The following NTRK3 variants were observed in gnomAD, a reference collection of about 807,000 sequenced individuals.
NTRK3 encodes the protein NT-3 growth factor receptor.
Under a neutral mutation model 91.7 loss-of-function variants are expected in NTRK3, and 24 were observed. The ratio of observed to expected loss-of-function variants is 0.26; its 90% CI spans 0.19 to 0.37. The LOEUF is 0.37. Ranked by LOEUF, NTRK3 falls within the 10% of genes least tolerant of loss-of-function variation. The probability of loss-of-function intolerance (pLI) is 1.00; values close to 1 mark genes in which losing one functional copy is unlikely to be tolerated. For synonymous variants in NTRK3, 483 were observed against 404.0 expected, an observed-to-expected ratio of 1.20 and a Z score of -2.34; for missense variants, 880 against 1,068.9, an observed-to-expected ratio of 0.82 and a Z score of 2.46.
intron 14 of NTRK3, among the ~76,000 whole-genome samples, chr15:87,950,722 T>G (rs538122435): frequency 8.1e-4 from 124 of 152,334 alleles, no homozygotes; most frequent in African/African-American, 2.8e-3. Flanking sequence ...AGTCGTACAT[T>G]TGGAGCGTGT....
At chr15:87,951,211 C>T (rs533462509) in intron 14 of NTRK3, among the ~76,000 whole-genome samples, 1 of 152,150 alleles carries the variant, frequency 6.6e-6, no homozygotes, top group South Asian at 2.1e-4. Context: ...CTGTGTTATC[C>T]GTAAGATCAT....
At chr15:87,876,308 G>A (rs1476733644) in exon 19 of NTRK3, 1 of 230,930 alleles carries the variant, frequency 4.3e-6, no homozygotes, top group Non-Finnish European at 8.6e-6. Context: ...GGACAAATTA[G>A]AACATTGTCC....
At chr15:88,018,078 G>A (rs1262360199) in intron 14 of NTRK3, among the ~76,000 whole-genome samples, 3 of 152,086 alleles carry the variant, frequency 2.0e-5, no homozygotes, top group Non-Finnish European at 2.9e-5. Context: ...AAGGAGACTC[G>A]GCCAAAAATA....
At chr15:87,945,036 C>T (rs1032579927) in intron 14 of NTRK3, among the ~76,000 whole-genome samples, 6 of 152,206 alleles carry the variant, frequency 3.9e-5, no homozygotes, top group Non-Finnish European at 8.8e-5. Context: ...CTGGCTGGCC[C>T]AGCAGAGTCT....
At chr15:88,150,349 A>C (rs543944077) in intron 5 of NTRK3, among the ~76,000 whole-genome samples, 31 of 152,362 alleles carry the variant, frequency 2.0e-4, no homozygotes, top group African/African-American at 7.2e-4. Context: ...AGAAATGTCA[A>C]AAGAAAATTG....
rs62019301 is a variant in NTRK3, at chr15:88,206,429, C to T, written c.249-22130G>A. 3.3e-5 allele frequency among the ~76,000 whole-genome samples: 5 copies of T among 149,656 alleles called. No individual in the cohort carries two copies. In the East Asian group the frequency reaches 6.1e-4, roughly 18 times the overall value. On this transcript the variant is annotated intron_variant, in intron 3 of 18. Transcript: ENST00000394480. ...ATCCCAGCACTTTGGAAGGCCGAGG[C>T]GGGCGGATCACGAGGTCAGGAGATG... is the stretch of plus-strand genomic sequence containing the variant.
chr15:88,057,652 G>A (rs376725414), intron 13 of NTRK3, among the ~76,000 whole-genome samples: 84 of 152,292 alleles, frequency 5.5e-4, no homozygotes, highest in African/African-American at 1.8e-3. Flanking sequence ...AACCTCAGGG[G>A]AGCATCAGGG....
At chr15:88,162,930 G>C (rs1209425714) in intron 5 of NTRK3, among the ~76,000 whole-genome samples, 1 of 152,124 alleles carries the variant, frequency 6.6e-6, no homozygotes, top group Non-Finnish European at 1.5e-5. Context: ...GTCCAGCACT[G>C]TGGCCACTCT....
rs77573267 is a variant in NTRK3, at chr15:88,241,623, T to C, written c.248+14283A>G. Among the ~76,000 whole-genome samples, 2 of 152,150 alleles carry C rather than the reference T, an allele frequency of 1.3e-5. No individual in the cohort carries two copies. The highest frequency in any genetic ancestry group is 2.4e-5 in the African/African-American group (1 of 41,432). ...CAGGTCAGCCGCTGGTTGGGCAGAA[T>C]GCCAGCTGGGTGCTGGGAGCAGGAA... On this transcript the variant is annotated intron_variant, in intron 3 of 18. Coordinates refer to ENST00000394480, the Ensembl canonical transcript of NTRK3. This position sits in a 1 kb window ranked among gnomAD's most constrained non-coding sequence, Gnocchi z 4.3.
rs16941182 is a variant in NTRK3 at position 88,049,651 on chromosome 15, C to A, written c.1397-16606G>T. ...ATATTATCTGAAACTGCTGAGTTCC[C>A]AAACACACTCAGAACATTGGCCTAA... On this transcript the variant is annotated intron_variant, in intron 13 of 18. Coordinates refer to ENST00000394480, the Ensembl canonical transcript of NTRK3. 9.0e-3 allele frequency among the ~76,000 whole-genome samples: 1,378 copies of A among 152,304 alleles called. 24 individuals are homozygous for A. Among genetic ancestry groups the A allele is most frequent in the African/African-American group, 0.029 (1,199 of 41,564 alleles).
chr15:87,984,854 G>C (rs997381071), intron 14 of NTRK3, among the ~76,000 whole-genome samples: 6 of 152,156 alleles, frequency 3.9e-5, no homozygotes, highest in Non-Finnish European at 8.8e-5. Flanking sequence ...GTGAGTGTGT[G>C]TTCTCCAGCT....
At chr15:88,226,580 T>A (rs1282644503) in intron 3 of NTRK3, among the ~76,000 whole-genome samples, 1 of 152,096 alleles carries the variant, frequency 6.6e-6, no homozygotes, top group African/African-American at 2.4e-5. Flanking sequence ...AAGTCCCTCC[T>A]CCTTGTCCTC....
intron 15 of NTRK3, 23 bp downstream of exon 15, chr15:87,940,600 G>A (rs1164238064): frequency 1.2e-6 from 2 of 1,613,078 alleles, no homozygotes; most frequent in Non-Finnish European, 8.5e-7. Context: ...TCCTCCTGGT[G>A]CCGGCATGCC....
chr15:88,225,108 G>A (rs1304370015), intron 3 of NTRK3, among the ~76,000 whole-genome samples: 1 of 152,162 alleles, frequency 6.6e-6, no homozygotes, highest in African/African-American at 2.4e-5. Flanking sequence ...AGCGTGGTGG[G>A]TAGCGGAGTG....
rs78535170 is a variant in NTRK3 at position 88,117,834 on chromosome 15, T to C, written c.1396+8437A>G. Among the ~76,000 whole-genome samples, 1,073 of 152,292 alleles carry C rather than the reference T, an allele frequency of 7.0e-3. 21 individuals carry two copies. The highest frequency in any genetic ancestry group is 0.025 in the African/African-American group (1,021 of 41,558). On this transcript the variant is annotated intron_variant, in intron 13 of 18. Coordinates refer to ENST00000394480, the Ensembl canonical transcript of NTRK3. The stretch of plus-strand genomic sequence containing the variant: ...AGTGAGGAAGAGAGACAGGGAGTGT[T>C]ATTAACCCTTCTGAGTGCAAGGGCC...
intron 14 of NTRK3, chr15:87,977,493 G>A: frequency 4.5e-6 from 1 of 223,408 alleles, no homozygotes; most frequent in Non-Finnish European, 9.0e-6. Flanking sequence ...ATGCTGGGAT[G>A]GATGGAGCCT....
chr15:88,079,412 GTT>G (rs2047850918), intron 13 of NTRK3, among the ~76,000 whole-genome samples: 1 of 152,176 alleles, frequency 6.6e-6, no homozygotes, highest in African/African-American at 2.4e-5. Context: ...GCTTCCAGAA[GTT>G]TAGGAGGCAG....
At chr15:88,134,950 G>A in intron 10 of NTRK3, 151 bp downstream of exon 10, 1 of 921,662 alleles carries the variant, frequency 1.1e-6, no homozygotes. Flanking sequence ...ACCAGATGCG[G>A]CTGGTGGTTG....
At chr15:88,060,128 G>A (rs1042887947) in intron 13 of NTRK3, among the ~76,000 whole-genome samples, 5 of 152,216 alleles carry the variant, frequency 3.3e-5, no homozygotes, top group South Asian at 4.2e-4. Flanking sequence ...GGTGGCTCAC[G>A]CCTGTAATTT....
Sources: allele counts gnomAD v4.1 joint callset (sites outside exome capture counted in the v4.1 genomes callset), GRCh38; gene constraint gnomAD v4.1.1; non-coding constraint Gnocchi (gnomAD v3.1); transcripts MANE v1.5; gene names NCBI Gene and HGNC (gene_info 2026-07-23, HGNC 2026-07-21).